LRMDA: variants seen among roughly 807,000 people sequenced by gnomAD.
LRMDA encodes the protein leucine-rich melanocyte differentiation-associated protein.
Under a neutral mutation model 29.8 loss-of-function variants are expected in LRMDA, and 18 were observed. That is an observed-to-expected ratio of 0.60 (90% CI 0.42 to 0.90). The LOEUF (loss-of-function observed/expected upper bound fraction) is 0.90. Among genes scored for constraint, LRMDA ranks in the 40% least tolerant of loss-of-function variants. The pLI is 0.00. For synonymous variants in LRMDA, 125 were observed against 109.4 expected, an observed-to-expected ratio of 1.14 and a Z score of -0.89; for missense variants, 273 against 273.9, an observed-to-expected ratio of 1.00 and a Z score of 0.02.
At chr10:76,239,241 T>C (rs1852223311) in intron 5 of LRMDA, among the ~76,000 whole-genome samples, 1 of 152,038 alleles carries the variant, frequency 6.6e-6, no homozygotes, top group Admixed American at 6.6e-5. Flanking sequence ...TTCTGGTCCT[T>C]CTCCCCCAAT....
intron 2 of LRMDA, among the ~76,000 whole-genome samples, chr10:75,933,122 T>G (rs1327169570): frequency 6.6e-6 from 1 of 152,162 alleles, no homozygotes; most frequent in Non-Finnish European, 1.5e-5. Context: ...TTTCTGACAG[T>G]GGGTCTGAAT....
intron 2 of LRMDA, among the ~76,000 whole-genome samples, chr10:75,497,926 AGAGT>A (rs1228475994): frequency 6.6e-6 from 1 of 152,202 alleles, no homozygotes; most frequent in East Asian, 1.9e-4. Flanking sequence ...CAAATACATG[AGAGT>A]GGAACTACTG....
At chr10:75,577,752 G>T (rs1039400562) in intron 2 of LRMDA, among the ~76,000 whole-genome samples, 1 of 152,154 alleles carries the variant, frequency 6.6e-6, no homozygotes, top group African/African-American at 2.4e-5. Flanking sequence ...TTAAAGAAAA[G>T]AATTTTCAAC....
intron 2 of LRMDA, among the ~76,000 whole-genome samples, chr10:75,813,368 G>T (rs917202628): frequency 2.6e-5 from 4 of 152,186 alleles, no homozygotes; most frequent in African/African-American, 9.7e-5. Context: ...TCCCTGGAGG[G>T]TCTACATCTT....
chr10:76,526,954 T>C (rs1417505020), intron 6 of LRMDA, among the ~76,000 whole-genome samples: 1 of 145,738 alleles, frequency 6.9e-6, no homozygotes, highest in African/African-American at 2.6e-5. Context: ...TGTGCACGTG[T>C]ACCCTAAAAC....
At chr10:76,504,438 T>A (rs1197528506) in intron 6 of LRMDA, among the ~76,000 whole-genome samples, 1 of 151,982 alleles carries the variant, frequency 6.6e-6, no homozygotes, top group Non-Finnish European at 1.5e-5. Flanking sequence ...AGTGTTGAAG[T>A]TTTCCATTAT....
chr10:75,697,321 C>CTTT (rs72000719), intron 2 of LRMDA, among the ~76,000 whole-genome samples: 7 of 145,068 alleles, frequency 4.8e-5, no homozygotes, highest in African/African-American at 1.8e-4. Context: ...TTTATTTTAC[C>CTTT]TTTTTTTTTT....
intron 5 of LRMDA, among the ~76,000 whole-genome samples, chr10:76,240,019 A>G (rs1361054081): frequency 1.3e-5 from 2 of 152,118 alleles, no homozygotes; most frequent in East Asian, 1.9e-4. Flanking sequence ...ATATCTCAAT[A>G]TAGCCGGGAA....
chr10:76,069,085 G>A (rs1386338167), intron 5 of LRMDA, among the ~76,000 whole-genome samples: 1 of 152,226 alleles, frequency 6.6e-6, no homozygotes, highest in African/African-American at 2.4e-5. Flanking sequence ...GTTGGATCCG[G>A]CTTGAGAGTC....
chr10:75,999,849 A>G (rs558927797), intron 2 of LRMDA, among the ~76,000 whole-genome samples: 32 of 152,322 alleles, frequency 2.1e-4, no homozygotes, highest in African/African-American at 7.5e-4. Flanking sequence ...GGAGATTTCT[A>G]TTGTATGCGG....
At chr10:76,379,479 C>T (rs1450111956) in intron 6 of LRMDA, among the ~76,000 whole-genome samples, 2 of 151,840 alleles carry the variant, frequency 1.3e-5, no homozygotes, top group Non-Finnish European at 2.9e-5. Flanking sequence ...TTATCGATTT[C>T]CTATAGGTTT....
At chr10:75,888,651 G>T (rs754230526) in intron 2 of LRMDA, among the ~76,000 whole-genome samples, 3 of 152,162 alleles carry the variant, frequency 2.0e-5, no homozygotes, top group African/African-American at 4.8e-5. Context: ...GCTGACTGGA[G>T]ATTATTTCAT....
intron 2 of LRMDA, among the ~76,000 whole-genome samples, chr10:75,854,635 G>C (rs1230416538): frequency 6.6e-6 from 1 of 152,024 alleles, no homozygotes; most frequent in Non-Finnish European, 1.5e-5. Context: ...AGTTACATAT[G>C]TATACATGTG....
chr10:76,097,482 T>A (rs1849331016), intron 5 of LRMDA, among the ~76,000 whole-genome samples: 1 of 152,226 alleles, frequency 6.6e-6, no homozygotes, highest in African/African-American at 2.4e-5. Flanking sequence ...CATGCAGATA[T>A]CTTTGCCTTA....
chr10:76,317,161 A>G (rs1168691871), intron 5 of LRMDA, among the ~76,000 whole-genome samples: 4 of 152,124 alleles, frequency 2.6e-5, no homozygotes, highest in Admixed American at 6.6e-5. Context: ...TTTGGTTTCT[A>G]ATCACACTCT....
At chr10:76,476,828 A>T (rs1425315977) in intron 6 of LRMDA, among the ~76,000 whole-genome samples, 1 of 152,202 alleles carries the variant, frequency 6.6e-6, no homozygotes, top group Non-Finnish European at 1.5e-5. Flanking sequence ...GATGCAGAAA[A>T]GGCCTTTGAC....
intron 6 of LRMDA, among the ~76,000 whole-genome samples, chr10:76,373,829 T>C (rs1841484773): frequency 1.3e-5 from 2 of 152,312 alleles, no homozygotes; most frequent in South Asian, 4.1e-4. Context: ...TGAATAACAT[T>C]AGAGTCTCAC....
intron 2 of LRMDA, among the ~76,000 whole-genome samples, chr10:75,895,322 C>A (rs1338133151): frequency 1.3e-5 from 2 of 152,208 alleles, no homozygotes; most frequent in Non-Finnish European, 2.9e-5. Context: ...TAAAACACCA[C>A]AAACAACAAA....
chr10:76,372,537 G>A (rs527456871), intron 6 of LRMDA, among the ~76,000 whole-genome samples: 55 of 151,878 alleles, frequency 3.6e-4, no homozygotes, highest in African/African-American at 1.1e-3. Context: ...CACTTGAACC[G>A]AGGAGGCAGA....
Sources: allele counts gnomAD v4.1 joint callset (sites outside exome capture counted in the v4.1 genomes callset), GRCh38; gene constraint gnomAD v4.1.1; transcripts MANE v1.5; gene names NCBI Gene and HGNC (gene_info 2026-07-23, HGNC 2026-07-21).